MED6: variants seen among roughly 807,000 people sequenced by gnomAD.
MED6 encodes mediator complex subunit 6.
In MED6, 33 loss-of-function variants were observed where a neutral mutation model predicts 37.5. That is an observed-to-expected ratio of 0.88 (90% CI 0.67 to 1.18). The LOEUF (loss-of-function observed/expected upper bound fraction) is 1.18, where lower values mean the gene tolerates loss of function less well. MED6 is among the 50% of genes most tolerant of loss of function. The pLI is 0.00. For missense variants in MED6, 235 were observed against 290.6 expected, an observed-to-expected ratio of 0.81 and a Z score of 1.39; for synonymous variants, 94 against 93.6, an observed-to-expected ratio of 1.00 and a Z score of -0.02.
At chr14:70,591,980 A>G (rs562558048) in intron 5 of MED6, among the ~76,000 whole-genome samples, 1 of 152,228 alleles carries the variant, frequency 6.6e-6, no homozygotes, top group Non-Finnish European at 1.5e-5. Context: ...AGGATTCCAG[A>G]TAAGTGTTAC....
At position 70,592,855 on chromosome 14, in the gene MED6, A is replaced by G. The variant is rs368794747; in HGVS notation, c.466+25T>C. 6 of 1,611,290 alleles carry G rather than the reference A, an allele frequency of 3.7e-6. No homozygotes were observed. The African/African-American group carries it at 8.0e-5, about 21-fold the overall frequency. ...TTCTCAGAGGATCAAAAAGTGTTTT[A>G]GGAGGGTATGGATGTTCTACTTACC... On this transcript the variant is annotated intron_variant, in intron 5 of 7. Transcript: ENST00000256379.
At chr14:70,590,503 A>C (rs144272523) in intron 6 of MED6, among the ~76,000 whole-genome samples, 44 of 152,290 alleles carry the variant, frequency 2.9e-4, no homozygotes, top group Middle Eastern at 3.4e-3. Flanking sequence ...GGCTTGTTCT[A>C]AAGTCATCTC....
At chr14:70,600,439 G>GA (rs5809489) in intron 1 of MED6, among the ~76,000 whole-genome samples, 177 bp downstream of exon 1, 9,686 of 127,626 alleles carry the variant, frequency 0.076, 448 homozygotes, top group African/African-American at 0.16. Context: ...CAAGAACTCA[G>GA]AAAAAAAAAA....
intron 3 of MED6, chr14:70,594,827 G>A: frequency 1.6e-6 from 1 of 642,632 alleles, no homozygotes; most frequent in South Asian, 1.4e-5. Flanking sequence ...CTGGTTCAAT[G>A]CCTGACCTCC....
At chr14:70,595,899 A>C in intron 3 of MED6, 1 of 542,742 alleles carries the variant, frequency 1.8e-6, no homozygotes. Flanking sequence ...AAAACAAAAC[A>C]AAATTACTTG....
chr14:70,588,139 A>G (rs777473956), intron 6 of MED6, among the ~76,000 whole-genome samples: 3 of 152,200 alleles, frequency 2.0e-5, no homozygotes, highest in Non-Finnish European at 4.4e-5. Context: ...TTTCTTCTCT[A>G]GATCTGAGGC....
intron 3 of MED6, 25 bp downstream of exon 3, chr14:70,596,586 A>G: frequency 6.5e-7 from 1 of 1,544,920 alleles, no homozygotes; most frequent in Non-Finnish European, 8.9e-7. Context: ...AAAAGAAAAC[A>G]ATGCCTAAAG....
intron 3 of MED6, 131 bp downstream of exon 3, chr14:70,596,480 T>C (rs998586530): frequency 7.9e-6 from 5 of 629,570 alleles, no homozygotes; most frequent in African/African-American, 1.8e-5. Flanking sequence ...TCCTCCAGCA[T>C]AGTACTGAAC....
intron 3 of MED6, chr14:70,595,772 G>A: frequency 5.6e-6 from 4 of 710,086 alleles, no homozygotes; most frequent in Non-Finnish European, 1.0e-5. Flanking sequence ...CACCCGCCAG[G>A]TAGTGGATGG....
intron 3 of MED6, chr14:70,595,042 GAT>G (rs1885000682): frequency 3.6e-6 from 2 of 562,440 alleles, no homozygotes; most frequent in Admixed American, 3.8e-5. Context: ...TCTTGCTGCT[GAT>G]AGAGTCAAGT....
intron 1 of MED6, among the ~76,000 whole-genome samples, chr14:70,599,052 A>T (rs1443920694): frequency 1.3e-5 from 2 of 152,248 alleles, no homozygotes; most frequent in Non-Finnish European, 2.9e-5. Context: ...ATGATGCTTC[A>T]TACCACTGAC....
At chr14:70,594,712 AG>A in intron 3 of MED6, 2 of 462,218 alleles carry the variant, frequency 4.3e-6, no homozygotes, top group Non-Finnish European at 8.1e-6. Flanking sequence ...ACCGGTTTCC[AG>A]GGCAGCTTGG....
chr14:70,588,197 G>C (rs942155160), intron 6 of MED6, among the ~76,000 whole-genome samples: 1 of 152,170 alleles, frequency 6.6e-6, no homozygotes. Context: ...AATAGTTCTA[G>C]AGAAAGCCAT....
chr14:70,584,702 T>G lies in MED6; in HGVS notation c.*111A>C. 1 of 1,360,858 alleles carries G rather than the reference T, an allele frequency of 7.3e-7. No individual in the cohort carries two copies. Among genetic ancestry groups the G allele is most frequent in the Non-Finnish European group, 1.0e-6 (1 of 1,000,976 alleles). The allele number at this position is 1,360,858 out of a possible 1,614,324, so 84.3% of individuals were successfully genotyped here. A position where few individuals can be genotyped will look rare whatever the true frequency, so the allele number is the denominator to read the frequency against. ...AATATCCTTTCAAAAAATAAGCGCA[T>G]TCCATACAAATAAGAAGGTTACAAT... On this transcript the variant is annotated 3_prime_UTR_variant, in exon 8 of 8. Coordinates refer to ENST00000256379, the MANE Select transcript of MED6 (RefSeq NM_005466.4).
rs550010315 is a variant in MED6 at position 70,583,481 on chromosome 14, T to C, written c.*1332A>G. 6.6e-6 allele frequency: 1 copy of C among 152,292 alleles called. No homozygotes were observed. Among genetic ancestry groups the C allele is most frequent in the South Asian group, 2.1e-4 (1 of 4,824 alleles). The allele number at this position is 152,292 out of a possible 1,614,324, so 9.4% of individuals were successfully genotyped here. On this transcript the variant is annotated 3_prime_UTR_variant, in exon 8 of 8. Coordinates refer to ENST00000256379, the MANE Select transcript of MED6 (RefSeq NM_005466.4). ...TTTGAGTGATCACTAGTCCAACATTTTGAGGAACAACTTAGCAATATGGAC... is the reference window on the plus strand; with the variant it reads ...TTTGAGTGATCACTAGTCCAACATTCTGAGGAACAACTTAGCAATATGGAC...
At position 70,596,681 on chromosome 14, in the gene MED6, G is replaced by A. The variant is rs1885058138; in HGVS notation, c.204C>T (p.Tyr68=). Residue 68 remains tyrosine (Y), a synonymous_variant, in exon 3 of 8, where the codon TAC becomes TAT. Transcript: ENST00000256379. ...EHLNQMVGIE[Y]ILLHAQEPIL... ...TGGGCTCTTGAGCATGCAAAAGGATGTACTCGATTCCAACCATCTGACTGA... is the reference window on the plus strand; with the variant it reads ...TGGGCTCTTGAGCATGCAAAAGGATATACTCGATTCCAACCATCTGACTGA... 2 of 1,613,726 alleles carry A rather than the reference G, an allele frequency of 1.2e-6. No homozygotes were observed. The highest frequency in any genetic ancestry group is 8.5e-7 in the Non-Finnish European group (1 of 1,179,796).
chr14:70,598,451 G>A lies in MED6; in HGVS notation c.23-674C>T, dbSNP rs1055723124. ...GATCGCGCCACTGCACTCCAGCCTG[G>A]GCGACAGAGCGAGACTCCGTCTCAA... On this transcript the variant is annotated intron_variant, in intron 1 of 7. Transcript: ENST00000256379. Among the ~76,000 whole-genome samples the A allele has an allele frequency of 2.6e-4, 40 of 152,218 alleles. 1 individual carries two copies. Among genetic ancestry groups the A allele is most frequent in the Admixed American group, 1.6e-3 (25 of 15,296 alleles).
At chr14:70,593,671 T>G (rs1595051629) in intron 3 of MED6, among the ~76,000 whole-genome samples, 1 of 152,210 alleles carries the variant, frequency 6.6e-6, no homozygotes, top group African/African-American at 2.4e-5. Flanking sequence ...CCAGCAGTGC[T>G]TCTCAAATTT....
intron 7 of MED6, 98 bp from the exon 8 acceptor site, chr14:70,585,041 A>G (rs1283733215): frequency 7.4e-7 from 1 of 1,346,672 alleles, no homozygotes; most frequent in African/African-American, 1.5e-5. Flanking sequence ...ATTCATTTTT[A>G]ACTGCTTATC....
Sources: allele counts gnomAD v4.1 joint callset (sites outside exome capture counted in the v4.1 genomes callset), GRCh38; gene constraint gnomAD v4.1.1; transcripts MANE v1.5; gene names NCBI Gene and HGNC (gene_info 2026-07-23, HGNC 2026-07-21).